SDK1: variants seen among roughly 807,000 people sequenced by gnomAD.
SDK1 encodes the protein protein sidekick-1.
In SDK1, 157 loss-of-function variants were observed where a neutral mutation model predicts 245.5. The observed-to-expected ratio is 0.64, with a 90% confidence interval of 0.56 to 0.73. SDK1 has a LOEUF of 0.73. Among genes scored for constraint, SDK1 ranks in the 30% least tolerant of loss-of-function variants. The probability of loss-of-function intolerance (pLI) is 0.00; values close to 1 mark genes in which losing one functional copy is unlikely to be tolerated. For synonymous variants in SDK1, 1,647 were observed against 1,278.5 expected (o/e 1.29, Z -6.15); for missense variants, 3,583 against 3,002.3 (o/e 1.19, Z -4.52).
At chr7:3,307,454 G>C (rs563064714) in intron 1 of SDK1, among the ~76,000 whole-genome samples, 1 of 152,158 alleles carries the variant, frequency 6.6e-6, no homozygotes, top group Admixed American at 6.5e-5. Flanking sequence ...GTTCTGGAGA[G>C]GTTACTACTC....
intron 2 of SDK1, among the ~76,000 whole-genome samples, chr7:3,620,661 C>T (rs2128645093): frequency 6.6e-6 from 1 of 152,222 alleles, no homozygotes; most frequent in South Asian, 2.1e-4. Flanking sequence ...TGCTTCCCAG[C>T]CTCTGCAGAC....
chr7:4,014,865 A>G (rs987646705), intron 16 of SDK1, among the ~76,000 whole-genome samples: 4 of 152,048 alleles, frequency 2.6e-5, no homozygotes, highest in African/African-American at 9.7e-5. Flanking sequence ...TCACAAAAGC[A>G]CCCGGAGCCA....
chr7:4,213,668 A>T (rs1228520922), intron 38 of SDK1, among the ~76,000 whole-genome samples: 1 of 151,644 alleles, frequency 6.6e-6, no homozygotes, highest in African/African-American at 2.4e-5. Flanking sequence ...AGGGGCCTCG[A>T]TGTGTTGGGT....
chr7:4,169,938 C>T (rs777781689), intron 32 of SDK1, among the ~76,000 whole-genome samples: 1 of 152,182 alleles, frequency 6.6e-6, no homozygotes, highest in Non-Finnish European at 1.5e-5. Flanking sequence ...AAGCAAACGG[C>T]CATGGAGAAC....
intron 1 of SDK1, among the ~76,000 whole-genome samples, chr7:3,526,564 C>A (rs1293036941): frequency 6.6e-6 from 1 of 151,984 alleles, no homozygotes; most frequent in African/African-American, 2.4e-5. Context: ...TGGTGGAATT[C>A]TATTTTTAGT....
At chr7:4,140,189 C>T (rs1456213487) in intron 28 of SDK1, among the ~76,000 whole-genome samples, 1 of 152,224 alleles carries the variant, frequency 6.6e-6, no homozygotes, top group African/African-American at 2.4e-5. Context: ...CAGCCTGCAC[C>T]TCACAGGCTG....
At chr7:3,823,707 G>T (rs1451112144) in intron 5 of SDK1, among the ~76,000 whole-genome samples, 2 of 152,090 alleles carry the variant, frequency 1.3e-5, no homozygotes, top group African/African-American at 2.4e-5. Context: ...TTGGCACCAG[G>T]TAAAAATGTG....
intron 35 of SDK1, among the ~76,000 whole-genome samples, chr7:4,186,381 C>T (rs2128221373): frequency 6.6e-6 from 1 of 152,306 alleles, no homozygotes; most frequent in African/African-American, 2.4e-5. Context: ...CCTCGTGCAC[C>T]TTTGTTATCC....
intron 4 of SDK1, among the ~76,000 whole-genome samples, chr7:3,730,632 C>CAGT (rs927235440): frequency 6.6e-6 from 1 of 152,050 alleles, no homozygotes; most frequent in Non-Finnish European, 1.5e-5. Context: ...GGAAGGAAGC[C>CAGT]AGTGGTGTGT....
intron 17 of SDK1, among the ~76,000 whole-genome samples, chr7:4,023,181 AT>A (rs1292471791): frequency 6.6e-6 from 1 of 152,134 alleles, no homozygotes; most frequent in Non-Finnish European, 1.5e-5. Context: ...CCTTGGACAC[AT>A]GGGGATTACT....
At chr7:3,503,947 T>G (rs540153857) in intron 1 of SDK1, among the ~76,000 whole-genome samples, 1 of 151,836 alleles carries the variant, frequency 6.6e-6, no homozygotes, top group Admixed American at 6.6e-5. Context: ...GTCAGGAGTT[T>G]GAGACCAACT....
intron 5 of SDK1, among the ~76,000 whole-genome samples, chr7:3,879,399 G>A (rs1257477071): frequency 1.8e-4 from 27 of 152,216 alleles, no homozygotes; most frequent in Admixed American, 1.8e-3. Context: ...AGTCTGCAGA[G>A]AGTGAGAAGT....
chr7:4,078,326 G>A (rs760246424), intron 21 of SDK1, among the ~76,000 whole-genome samples: 7 of 152,114 alleles, frequency 4.6e-5, no homozygotes, highest in Non-Finnish European at 7.3e-5. Context: ...GAAGTTTATC[G>A]CCATTAATGA....
At chr7:3,970,867 T>C (rs1006024586) in intron 11 of SDK1, among the ~76,000 whole-genome samples, 61 of 152,324 alleles carry the variant, frequency 4.0e-4, no homozygotes, top group African/African-American at 1.4e-3. Context: ...CTGGGCTCTG[T>C]TCCTGGAAGC....
At chr7:3,410,399 G>A (rs966972087) in intron 1 of SDK1, among the ~76,000 whole-genome samples, 2 of 152,012 alleles carry the variant, frequency 1.3e-5, no homozygotes, top group East Asian at 3.9e-4. Flanking sequence ...ACCGCATTAT[G>A]TATATGCAAA....
intron 35 of SDK1, among the ~76,000 whole-genome samples, chr7:4,183,883 T>G (rs1782733817): frequency 1.3e-5 from 2 of 152,198 alleles, no homozygotes; most frequent in South Asian, 2.1e-4. Context: ...CAGATGTGGC[T>G]TGGCTCTTGC....
chr7:3,338,677 GA>G (rs1227584084), intron 1 of SDK1: 166 of 166,234 alleles, frequency 1.0e-3, no homozygotes, highest in South Asian at 3.0e-3. Context: ...TGTGTTTAAA[GA>G]AAAAAAAAAG....
chr7:3,887,615 T>C (rs1377399504), intron 5 of SDK1, among the ~76,000 whole-genome samples: 8 of 152,238 alleles, frequency 5.3e-5, no homozygotes, highest in Non-Finnish European at 1.2e-4. Context: ...TGTTTGGTTA[T>C]TTAACAAAAC....
At chr7:4,164,115 A>G (rs990804798) in intron 32 of SDK1, among the ~76,000 whole-genome samples, 3 of 152,212 alleles carry the variant, frequency 2.0e-5, no homozygotes, top group Non-Finnish European at 4.4e-5. Flanking sequence ...TGGAACTGGA[A>G]GAGCACTTCT....
Sources: gnomAD v4.1 joint callset for allele counts (sites outside exome capture counted in the v4.1 genomes callset) on GRCh38, gnomAD v4.1.1 for gene constraint, MANE v1.5 for transcripts, NCBI Gene and HGNC (gene_info 2026-07-23, HGNC 2026-07-21) for gene names.